CPVL: variants seen among roughly 807,000 people sequenced by gnomAD.
The protein encoded by CPVL is carboxypeptidase vitellogenic like.
A neutral mutation model predicts 63.7 loss-of-function variants in CPVL; 51 were observed. The ratio of observed to expected loss-of-function variants is 0.80; its 90% confidence interval spans 0.64 to 1.01. The LOEUF is 1.01. Ranked by LOEUF, CPVL falls within the 50% of genes least tolerant of loss-of-function variation. The pLI is 0.00. For synonymous variants in CPVL, 195 were observed against 206.0 expected, an observed-to-expected ratio of 0.95 and a Z score of 0.46; for missense variants, 530 against 573.1, an observed-to-expected ratio of 0.92 and a Z score of 0.77.
chr7:29,101,519 C>T (rs923706743), intron 3 of CPVL, among the ~76,000 whole-genome samples: 7 of 152,122 alleles, frequency 4.6e-5, no homozygotes, highest in African/African-American at 9.7e-5. Flanking sequence ...GGCGTGAACC[C>T]GGGAGGCGGA....
chr7:29,131,320 T>C (rs1790674109), intron 1 of CPVL, among the ~76,000 whole-genome samples: 1 of 152,224 alleles, frequency 6.6e-6, no homozygotes, highest in Non-Finnish European at 1.5e-5. Context: ...ACATTTTATA[T>C]GAGGATAATC....
chr7:29,092,419 A>T (rs934296712), intron 6 of CPVL, among the ~76,000 whole-genome samples: 1 of 152,214 alleles, frequency 6.6e-6, no homozygotes, highest in African/African-American at 2.4e-5. Context: ...AACCTTTCAG[A>T]TGTCTGGTTG....
chr7:29,029,681 T>C lies in CPVL; in HGVS notation c.1320+896A>G, dbSNP rs1162140387. 7.2e-5 allele frequency among the ~76,000 whole-genome samples: 11 copies of C among 152,112 alleles called. No individual in the cohort carries two copies. In the East Asian group the frequency reaches 1.5e-3, roughly 21 times the overall value. ...GGATGGGTGGGAAGACGAAGAGAGA[T>C]TGGTTAAGGGGTGCAGACAGTTAGA... On this transcript the variant is annotated intron_variant, in intron 12 of 12. Coordinates refer to ENST00000265394, the MANE Select transcript of CPVL (RefSeq NM_031311.5).
chr7:29,146,047 G>A (rs1792560991), intron 1 of CPVL: 1 of 152,436 alleles, frequency 6.6e-6, no homozygotes, highest in South Asian at 2.1e-4. Context: ...CACGCGTTGA[G>A]GGAGTAAGGG....
At chr7:29,156,045 T>G in intron 5 of CPVL, among the ~76,000 whole-genome samples, 1 of 152,006 alleles carries the variant, frequency 6.6e-6, no homozygotes, top group Non-Finnish European at 1.5e-5. Flanking sequence ...ATCAAAAGAG[T>G]GCTGAGGGAT....
Position 29,066,029 on chromosome 7 carries a change from C to T in CPVL, c.957G>A (p.Arg319=). The T allele has an allele frequency of 1.3e-6, 2 of 1,580,944 alleles. No individual in the cohort carries two copies. Among genetic ancestry groups the T allele is most frequent in the South Asian group, 1.2e-5 (1 of 86,852 alleles). ...GTTTTTAAAATGTCATTACCGTGCACCGCAAAAAGTTATAGTAATTACTAC... is the reference window on the plus strand; with the variant it reads ...GTTTTTAAAATGTCATTACCGTGCATCGCAAAAAGTTATAGTAATTACTAC... The part of the protein sequence containing the change: ...TGCSNYYNFL[R]CTEPEDQLYY... Residue 319 remains arginine (R), a synonymous_variant, in exon 10 of 13, where the codon CGG becomes CGA. Coordinates refer to ENST00000265394, the MANE Select transcript of CPVL (RefSeq NM_031311.5).
upstream of CPVL, chr7:29,147,159 G>C: frequency 1.4e-6 from 1 of 711,750 alleles, no homozygotes; most frequent in South Asian, 2.0e-5. Context: ...CCACCACCAG[G>C]TGCTGGGCAT....
chr7:29,064,806 C>T (rs907730902), intron 10 of CPVL, among the ~76,000 whole-genome samples: 5 of 152,038 alleles, frequency 3.3e-5, no homozygotes, highest in Non-Finnish European at 7.4e-5. Context: ...ACCCCCACCC[C>T]ACAACAGTCC....
intron 11 of CPVL, among the ~76,000 whole-genome samples, chr7:29,060,621 G>T (rs1486589343): frequency 6.6e-6 from 1 of 152,178 alleles, no homozygotes; most frequent in Non-Finnish European, 1.5e-5. Flanking sequence ...GTAAGAAAAG[G>T]ATTATGTTTT....
chr7:29,048,486 A>C (rs1436819251), intron 11 of CPVL, among the ~76,000 whole-genome samples: 1 of 152,142 alleles, frequency 6.6e-6, no homozygotes, highest in African/African-American at 2.4e-5. Flanking sequence ...TAACAGTCAA[A>C]GGCCTAAACA....
intron 1 of CPVL, among the ~76,000 whole-genome samples, chr7:29,191,141 A>G (rs1782845442): frequency 6.6e-6 from 1 of 152,140 alleles, no homozygotes; most frequent in Non-Finnish European, 1.5e-5. Flanking sequence ...CATGTTGCTC[A>G]GGATGGTCTC....
At chr7:29,144,315 C>G (rs1163622475) in intron 1 of CPVL, among the ~76,000 whole-genome samples, 1 of 151,496 alleles carries the variant, frequency 6.6e-6, no homozygotes, top group Non-Finnish European at 1.5e-5. Flanking sequence ...AATCCCAGCA[C>G]TTTGGAAGGC....
chr7:29,013,421 T>G, intron 12 of CPVL: 1 of 152,214 alleles, frequency 6.6e-6, no homozygotes, highest in East Asian at 1.9e-4. Context: ...AGGGAAATAT[T>G]TTCTGATGAT....
intron 12 of CPVL, among the ~76,000 whole-genome samples, chr7:29,008,539 A>C (rs1412717770): frequency 6.6e-6 from 1 of 152,208 alleles, no homozygotes; most frequent in Non-Finnish European, 1.5e-5. Context: ...CACAAGGCAA[A>C]AACTTGCATT....
intron 7 of CPVL, chr7:29,082,533 C>T (rs970805187): frequency 6.6e-5 from 10 of 152,136 alleles, no homozygotes; most frequent in African/African-American, 2.2e-4. Flanking sequence ...CATAATAAAC[C>T]ATCAAGGCAT....
In CPVL at chr7:29,015,213, T is replaced by C. The variant is rs114479593; in HGVS notation, c.1320+15364A>G. On this transcript the variant is annotated intron_variant, in intron 12 of 12. Coordinates refer to ENST00000265394, the MANE Select transcript of CPVL (RefSeq NM_031311.5). ...TTTCATTTAGGGAACAAGTATTCTA[T>C]GGTGGTTAGCATGTGCTGCCAAATA... Among the ~76,000 whole-genome samples the C allele has an allele frequency of 8.2e-3, 1,242 of 152,356 alleles. 17 individuals are homozygous for C. Among genetic ancestry groups the C allele is most frequent in the African/African-American group, 0.029 (1,189 of 41,580 alleles).
In CPVL at chr7:29,124,817, T is replaced by C. The variant is rs889206949; in HGVS notation, c.-10-3746A>G. Reference sequence around the variant, plus strand: ...ATAATTTCTAAATTTTCTACAAAAATTTTATACTCAGAAAAAAGGTAATTT... The same window carrying C: ...ATAATTTCTAAATTTTCTACAAAAACTTTATACTCAGAAAAAAGGTAATTT... On this transcript the variant is annotated intron_variant, in intron 1 of 12. Transcript: ENST00000265394. Among the ~76,000 whole-genome samples the C allele has an allele frequency of 3.9e-5, 6 of 152,224 alleles. No homozygotes were observed. In the South Asian group the frequency reaches 1.2e-3, roughly 32 times the overall value.
chr7:29,156,647 C>G (rs1446672266), intron 5 of CPVL, among the ~76,000 whole-genome samples: 1 of 152,046 alleles, frequency 6.6e-6, no homozygotes, highest in Non-Finnish European at 1.5e-5. Context: ...TCTATAAACG[C>G]TAATTAAATA....
At chr7:29,092,047 A>T (rs1238614491) in intron 6 of CPVL, among the ~76,000 whole-genome samples, 1 of 152,182 alleles carries the variant, frequency 6.6e-6, no homozygotes, top group African/African-American at 2.4e-5. Context: ...TGTAGACTGG[A>T]AAAATCTGAC....
Sources: gnomAD v4.1 joint callset for allele counts (sites outside exome capture counted in the v4.1 genomes callset) on GRCh38, gnomAD v4.1.1 for gene constraint, MANE v1.5 for transcripts, NCBI Gene and HGNC (gene_info 2026-07-23, HGNC 2026-07-21) for gene names.